ADAM8: variants seen among roughly 807,000 people sequenced by gnomAD.
ADAM8 encodes ADAM metallopeptidase domain 8.
Under a neutral mutation model 102.4 loss-of-function variants are expected in ADAM8, and 104 were observed. The ratio of observed to expected loss-of-function variants is 1.02; its 90% CI spans 0.87 to 1.20. ADAM8 has a LOEUF of 1.20. ADAM8 is among the 50% of genes most tolerant of loss of function. The probability of loss-of-function intolerance (pLI) is 0.00; values close to 1 mark genes in which losing one functional copy is unlikely to be tolerated. For synonymous variants in ADAM8, 517 were observed against 485.2 expected (o/e 1.07, Z -0.86); for missense variants, 1,132 against 1,159.0 (o/e 0.98, Z 0.34).
intron 18 of ADAM8, 148 bp from the exon 19 acceptor site, chr10:133,269,010 TC>T: frequency 6.9e-7 from 1 of 1,453,470 alleles, no homozygotes; most frequent in Non-Finnish European, 9.0e-7. Flanking sequence ...ACACTGGCAC[TC>T]CCAGCTTGCC....
chr10:133,271,993 A>G (rs1589808893), intron 10 of ADAM8, 39 bp from the exon 11 acceptor site: 1 of 1,593,910 alleles, frequency 6.3e-7, no homozygotes, highest in Non-Finnish European at 8.6e-7. Context: ...CATGTGGCCA[A>G]CTCCCCACGC....
At chr10:133,274,749 G>T in intron 2 of ADAM8, 1 of 323,856 alleles carries the variant, frequency 3.1e-6, no homozygotes, top group Admixed American at 4.0e-5. Flanking sequence ...CCCCTCCAGC[G>T]ACAGCTGCCT....
intron 8 of ADAM8, 58 bp downstream of exon 8, chr10:133,272,740 A>AG: frequency 2.3e-6 from 3 of 1,294,418 alleles, no homozygotes; most frequent in Non-Finnish European, 3.2e-6. Context: ...CTGTGGCAAC[A>AG]CCCCCCCCAC....
chr10:133,271,170 T>C (rs1846511013), intron 13 of ADAM8, 30 bp downstream of exon 13: 2 of 1,604,392 alleles, frequency 1.2e-6, no homozygotes, highest in African/African-American at 1.3e-5. Context: ...CCATGGGCTC[T>C]GGGGGTCACT....
chr10:133,276,653 G>A (rs1812637988), intron 1 of ADAM8, 119 bp downstream of exon 1: 11 of 1,398,138 alleles, frequency 7.9e-6, no homozygotes, highest in Non-Finnish European at 9.4e-6. Flanking sequence ...GGACCAGCCC[G>A]AAGCCGGGCC....
At chr10:133,274,658 C>T (rs1301994357) in intron 2 of ADAM8, 3 of 296,014 alleles carry the variant, frequency 1.0e-5, no homozygotes, top group Admixed American at 4.9e-5. Flanking sequence ...AATGCCCCTT[C>T]CCCGAGAAAG....
At chr10:133,272,766 C>T (rs755449787) in intron 8 of ADAM8, 32 bp downstream of exon 8, 11 of 1,589,348 alleles carry the variant, frequency 6.9e-6, no homozygotes, top group African/African-American at 2.7e-5. Flanking sequence ...GCCAGGGGCT[C>T]TGGCACCTCT....
At position 133,268,677 on chromosome 10, in the gene ADAM8, G is replaced by A; in HGVS notation, c.2063+71C>T. On this transcript the variant is annotated intron_variant, in intron 19 of 22. Transcript: ENST00000445355. ...GCCGTCCACCATGGGCCCGTGCTGGGCACTCCTTCCTCTGGCAGCTGAGCA... is the reference window on the plus strand; with the variant it reads ...GCCGTCCACCATGGGCCCGTGCTGGACACTCCTTCCTCTGGCAGCTGAGCA... 4 of 1,497,238 alleles carry A rather than the reference G, an allele frequency of 2.7e-6. No individual in the cohort carries two copies. The South Asian group carries it at 4.8e-5, about 18-fold the overall frequency. The allele number at this position is 1,497,238 out of a possible 1,614,324, so 92.7% of individuals were successfully genotyped here.
chr10:133,272,743 C>CT, intron 8 of ADAM8, 55 bp downstream of exon 8: 4 of 1,557,358 alleles, frequency 2.6e-6, no homozygotes, highest in Non-Finnish European at 1.7e-6. Flanking sequence ...TGGCAACACC[C>CT]CCCCCACCTC....
intron 16 of ADAM8, 53 bp from the exon 17 acceptor site, chr10:133,270,027 G>A (rs1846466995): frequency 6.3e-7 from 1 of 1,584,152 alleles, no homozygotes; most frequent in South Asian, 1.1e-5. Flanking sequence ...TGCCCCGCCA[G>A]CGTCCCTTGA....
intron 22 of ADAM8, 70 bp downstream of exon 22, chr10:133,263,618 G>A (rs1004033077): frequency 3.8e-6 from 5 of 1,322,858 alleles, no homozygotes; most frequent in Middle Eastern, 2.0e-4. Context: ...CAGTGCCACC[G>A]TCAGCCCCGT....
chr10:133,276,726 A>ACCCTG, intron 1 of ADAM8, 46 bp downstream of exon 1: 1 of 1,525,078 alleles, frequency 6.6e-7, no homozygotes, highest in Non-Finnish European at 8.8e-7. Flanking sequence ...GGGGAGAGCC[A>ACCCTG]CCCTGCCCCG....
intron 12 of ADAM8, 35 bp from the exon 13 acceptor site, chr10:133,271,324 T>G: frequency 6.3e-7 from 1 of 1,594,410 alleles, no homozygotes; most frequent in Non-Finnish European, 8.5e-7. Context: ...CAGGCTGCAC[T>G]GGGGCCGGGC....
In ADAM8 at chr10:133,272,954, C is replaced by T. The variant is rs1440701708; in HGVS notation, c.636+3G>A. The T allele has an allele frequency of 1.9e-6, 3 of 1,612,776 alleles. No individual in the cohort carries two copies. The highest frequency in any genetic ancestry group is 1.3e-5 in the African/African-American group (1 of 74,916). ...TCTCCCACCTTCCCTGCCCCCAACA[C>T]ACCTCTGCATTGTCCACGACCACAT... On this transcript the variant is annotated splice_donor_region_variant and intron_variant, in intron 7 of 22. Coordinates refer to ENST00000445355, the MANE Select transcript of ADAM8 (RefSeq NM_001109.5).
intron 17 of ADAM8, 139 bp downstream of exon 17, chr10:133,269,758 G>T: frequency 2.8e-6 from 3 of 1,079,126 alleles, no homozygotes; most frequent in Non-Finnish European, 2.7e-6. Flanking sequence ...GCCGACAGGG[G>T]CTCCACAGAG....
At chr10:133,266,645 C>T (rs553353706) in intron 21 of ADAM8, among the ~76,000 whole-genome samples, 6 of 152,306 alleles carry the variant, frequency 3.9e-5, no homozygotes, top group Non-Finnish European at 5.9e-5. Context: ...AAGTGGACCT[C>T]GATGGTACCA....
intron 19 of ADAM8, 98 bp downstream of exon 19, chr10:133,268,650 G>T: frequency 2.2e-6 from 3 of 1,338,834 alleles, no homozygotes; most frequent in Non-Finnish European, 3.1e-6. Flanking sequence ...CTGGGTGTCC[G>T]TGCCGTCCAC....
At position 133,272,472 on chromosome 10, in the gene ADAM8, G is replaced by A; in HGVS notation, c.819C>T (p.Thr273=). The change falls in exon 9 of 23, where the codon ACC becomes ACT. Residue 273 remains threonine (T), a synonymous_variant. Coordinates refer to ENST00000445355, the MANE Select transcript of ADAM8 (RefSeq NM_001109.5). ...GCCGTGTCCGTTGCCGTGCCTGCCA[G>A]GTCAGGAGGTTCTCCAGTGTGACAC... The part of the protein sequence containing the change: ...DPSVTLENLL[T]WQARQRTRRH... 6.2e-7 allele frequency: 1 copy of A among 1,611,630 alleles called. No individual in the cohort carries two copies. The highest frequency in any genetic ancestry group is 2.2e-5 in the East Asian group (1 of 44,828).
chr10:133,272,087 C>T (rs1181163594), intron 10 of ADAM8, 106 bp downstream of exon 10: 5 of 1,506,756 alleles, frequency 3.3e-6, no homozygotes, highest in Non-Finnish European at 4.5e-6. Flanking sequence ...AGGCATTAAA[C>T]CTGGCCTGAG....
Sources: allele counts gnomAD v4.1 joint callset (sites outside exome capture counted in the v4.1 genomes callset), GRCh38; gene constraint gnomAD v4.1.1; transcripts MANE v1.5; gene names NCBI Gene and HGNC (gene_info 2026-07-23, HGNC 2026-07-21).